PTDSS1: variants seen among roughly 807,000 people sequenced by gnomAD.
PTDSS1 encodes the protein phosphatidylserine synthase 1.
Under a neutral mutation model 70.5 loss-of-function variants are expected in PTDSS1, and 45 were observed. The observed-to-expected ratio is 0.64, with a 90% CI of 0.50 to 0.82. The LOEUF (loss-of-function observed/expected upper bound fraction) is 0.82. PTDSS1 is among the 40% of genes least tolerant of loss of function. PTDSS1 has a pLI of 0.00. For synonymous variants in PTDSS1, 188 were observed against 203.8 expected (o/e 0.92, Z 0.66); for missense variants, 417 against 586.1 (o/e 0.71, Z 2.98).
chr8:96,269,809 C>A (rs1466021997), intron 1 of PTDSS1, among the ~76,000 whole-genome samples: 2 of 152,160 alleles, frequency 1.3e-5, no homozygotes, highest in Non-Finnish European at 2.9e-5. Flanking sequence ...GAATAAGGGC[C>A]ATGTCTCTTT....
chr8:96,309,467 A>T (rs1811174692), intron 8 of PTDSS1, 90 bp from the exon 9 acceptor site: 2 of 1,174,404 alleles, frequency 1.7e-6, no homozygotes, highest in African/African-American at 3.0e-5. Flanking sequence ...ACAAGGAGGG[A>T]CGTTTTTTAC....
chr8:96,267,384 G>A (rs1267569331), intron 1 of PTDSS1, among the ~76,000 whole-genome samples: 2 of 152,130 alleles, frequency 1.3e-5, no homozygotes, highest in Non-Finnish European at 2.9e-5. Context: ...TTTCGGGACT[G>A]TTCTCTTTCC....
chr8:96,328,088 G>A (rs1486751789), intron 10 of PTDSS1, among the ~76,000 whole-genome samples: 2 of 152,178 alleles, frequency 1.3e-5, no homozygotes, highest in Non-Finnish European at 2.9e-5. Context: ...CCTGCTGTTT[G>A]CCGCTGGAGG....
At chr8:96,309,284 G>A (rs189117476) in intron 8 of PTDSS1, 8 of 213,614 alleles carry the variant, frequency 3.7e-5, no homozygotes, top group African/African-American at 7.6e-5. Context: ...AAATGGTTGC[G>A]ATCAGTTAGT....
chr8:96,333,067 G>A (rs1309355482), intron 12 of PTDSS1, among the ~76,000 whole-genome samples: 1 of 152,218 alleles, frequency 6.6e-6, no homozygotes, highest in Admixed American at 6.5e-5. Context: ...GCAGGTGAAG[G>A]GATGGAAACC....
chr8:96,305,792 A>G (rs1006293608), intron 7 of PTDSS1, among the ~76,000 whole-genome samples: 8 of 152,012 alleles, frequency 5.3e-5, no homozygotes, highest in African/African-American at 1.9e-4. Context: ...GGTTCAAGCA[A>G]TTCTCCTGTC....
chr8:96,295,278 G>A (rs1563571599), intron 5 of PTDSS1, 22 bp downstream of exon 5: 2 of 1,605,192 alleles, frequency 1.2e-6, no homozygotes, highest in South Asian at 1.1e-5. Flanking sequence ...GGCATTGGGG[G>A]TTCCCCAGAC....
chr8:96,314,701 G>C (rs774537873), intron 9 of PTDSS1, among the ~76,000 whole-genome samples: 1 of 152,092 alleles, frequency 6.6e-6, no homozygotes, highest in Non-Finnish European at 1.5e-5. Flanking sequence ...GGTTCATGCC[G>C]TTCTCCTGCC....
intron 3 of PTDSS1, among the ~76,000 whole-genome samples, chr8:96,285,617 A>G (rs1810811836): frequency 2.6e-5 from 4 of 152,156 alleles, no homozygotes; most frequent in Admixed American, 2.6e-4. Flanking sequence ...GTAGGTAGTA[A>G]GCAGTTTTAT....
chr8:96,271,900 A>G (rs1810572462), intron 1 of PTDSS1, among the ~76,000 whole-genome samples: 1 of 151,858 alleles, frequency 6.6e-6, no homozygotes, highest in African/African-American at 2.4e-5. Context: ...CACTATTTTT[A>G]ACTTACCATG....
chr8:96,317,025 A>G (rs918494202), intron 9 of PTDSS1, among the ~76,000 whole-genome samples: 1 of 58,598 alleles, frequency 1.7e-5, no homozygotes, highest in African/African-American at 5.9e-5. Flanking sequence ...GTGTATATAT[A>G]TATGTGTCTA....
At chr8:96,270,894 G>T (rs1366239963) in intron 1 of PTDSS1, among the ~76,000 whole-genome samples, 1 of 151,942 alleles carries the variant, frequency 6.6e-6, no homozygotes, top group Non-Finnish European at 1.5e-5. Flanking sequence ...CATTTCATTG[G>T]TTTTACAACC....
intron 9 of PTDSS1, among the ~76,000 whole-genome samples, chr8:96,313,263 C>T (rs1811237840): frequency 6.6e-6 from 1 of 152,132 alleles, no homozygotes; most frequent in Non-Finnish European, 1.5e-5. Flanking sequence ...ACCTTTTATA[C>T]GAAAGGTGTT....
At chr8:96,305,214 C>G (rs115213837) in intron 7 of PTDSS1, among the ~76,000 whole-genome samples, 1 of 152,192 alleles carries the variant, frequency 6.6e-6, no homozygotes, top group Non-Finnish European at 1.5e-5. Context: ...GATGGAACCA[C>G]CTGGTGGTAT....
Position 96,287,157 on chromosome 8 carries a change from G to T in PTDSS1, c.441+11G>T. The T allele has an allele frequency of 6.2e-7, 1 of 1,613,686 alleles. No individual in the cohort carries two copies. The highest frequency in any genetic ancestry group is 8.5e-7 in the Non-Finnish European group (1 of 1,179,780). ...GAAGCAGATGTCATGGTATGTACTTGTCAGTGGCCTCTTGGAGAAACTCGT... is the reference window on the plus strand; with the variant it reads ...GAAGCAGATGTCATGGTATGTACTTTTCAGTGGCCTCTTGGAGAAACTCGT... On this transcript the variant is annotated intron_variant, in intron 4 of 12. Coordinates refer to ENST00000517309, the MANE Select transcript of PTDSS1 (RefSeq NM_014754.3).
chr8:96,283,785 C>T, intron 2 of PTDSS1: 1 of 277,550 alleles, frequency 3.6e-6, no homozygotes, highest in Non-Finnish European at 6.7e-6. Flanking sequence ...ATCACACACA[C>T]TTAAGCCTAG....
chr8:96,284,187 T>A (rs1269769117), intron 3 of PTDSS1, 34 bp downstream of exon 3: 2 of 1,554,876 alleles, frequency 1.3e-6, no homozygotes, highest in Non-Finnish European at 1.8e-6. Context: ...AAGGATGTTC[T>A]ATTTTTTTAA....
Position 96,262,988 on chromosome 8 carries a change from C to T in PTDSS1, c.179+769C>T, listed in dbSNP as rs1810432822. 6.6e-6 allele frequency among the ~76,000 whole-genome samples: 1 copy of T among 152,192 alleles called. No homozygotes were observed. Among genetic ancestry groups the T allele is most frequent in the Non-Finnish European group, 1.5e-5 (1 of 68,044 alleles). The stretch of plus-strand genomic sequence containing the variant: ...CCGCCACACATCACGCGGTGCATAC[C>T]CTGCTCACTCATTACCTAACATACG... On this transcript the variant is annotated intron_variant, in intron 1 of 12. Coordinates refer to ENST00000517309, the MANE Select transcript of PTDSS1 (RefSeq NM_014754.3). This position sits in a 1 kb window ranked among gnomAD's most constrained non-coding sequence, Gnocchi z 4.4.
chr8:96,333,582 C>A lies in PTDSS1; in HGVS notation c.*16C>A, dbSNP rs1317020273. 1 of 1,586,910 alleles carries A rather than the reference C, an allele frequency of 6.3e-7. No individual in the cohort carries two copies. The highest frequency in any genetic ancestry group is 8.7e-7 in the Non-Finnish European group (1 of 1,155,306). ...AAAGAAATGAAAAACCCTGGTTAAT[C>A]AAAGATGTTCCAGAGTGCCTAGAAC... On this transcript the variant is annotated 3_prime_UTR_variant, in exon 13 of 13. Transcript: ENST00000517309.
Sources: allele counts gnomAD v4.1 joint callset (sites outside exome capture counted in the v4.1 genomes callset), GRCh38; gene constraint gnomAD v4.1.1; non-coding constraint Gnocchi (gnomAD v3.1); transcripts MANE v1.5; gene names NCBI Gene and HGNC (gene_info 2026-07-23, HGNC 2026-07-21).